The following MYO5B variants were observed in gnomAD, a reference collection of about 807,000 sequenced individuals.
MYO5B encodes myosin VB, also known as unconventional myosin-Vb.
In MYO5B, 143 loss-of-function variants were observed where a neutral mutation model predicts 229.3. That is an observed-to-expected ratio of 0.62 (90% CI 0.54 to 0.72). The LOEUF is 0.72. MYO5B is among the 30% of genes least tolerant of loss of function. The probability of loss-of-function intolerance (pLI) is 0.00; values close to 1 mark genes in which losing one functional copy is unlikely to be tolerated. For missense variants in MYO5B, 2,321 were observed against 2,331.0 expected, an observed-to-expected ratio of 1.00 and a Z score of 0.09; for synonymous variants, 918 against 885.2, an observed-to-expected ratio of 1.04 and a Z score of -0.66.
intron 1 of MYO5B, among the ~76,000 whole-genome samples, chr18:50,100,334 T>C (rs576853812): frequency 6.6e-6 from 1 of 152,358 alleles, no homozygotes; most frequent in South Asian, 2.1e-4. Flanking sequence ...GCTGGTTGTG[T>C]TGCACCAGCA....
intron 1 of MYO5B, among the ~76,000 whole-genome samples, chr18:50,176,516 C>G (rs559690553): frequency 6.6e-6 from 1 of 152,310 alleles, no homozygotes; most frequent in East Asian, 1.9e-4. Flanking sequence ...ATAGTTGCCA[C>G]TGTTACTTAG....
intron 2 of MYO5B, among the ~76,000 whole-genome samples, chr18:50,052,250 G>T (rs1397986306): frequency 6.6e-6 from 1 of 152,040 alleles, no homozygotes; most frequent in East Asian, 1.9e-4. Context: ...AAAGACACAT[G>T]CAAACGTATG....
chr18:50,055,936 C>T (rs1045204238), intron 1 of MYO5B, among the ~76,000 whole-genome samples: 2 of 151,930 alleles, frequency 1.3e-5, no homozygotes, highest in South Asian at 2.1e-4. Flanking sequence ...TTTCTTTTTT[C>T]GGATGGGGTC....
intron 8 of MYO5B, among the ~76,000 whole-genome samples, chr18:49,983,670 T>C (rs1568058595): frequency 6.6e-6 from 1 of 152,218 alleles, no homozygotes; most frequent in Non-Finnish European, 1.5e-5. Context: ...GCTACTGCTG[T>C]AGTTAACAAT....
At chr18:49,970,077 C>T (rs940148098) in intron 10 of MYO5B, 10 of 152,218 alleles carry the variant, frequency 6.6e-5, no homozygotes, top group African/African-American at 1.9e-4. Context: ...ATTAGAGACT[C>T]AAGGGGAGGA....
rs535940346 is a variant in MYO5B at position 49,914,309 on chromosome 18, G to C, written c.2091-2136C>G. Among the ~76,000 whole-genome samples, 5 of 152,294 alleles carry C rather than the reference G, an allele frequency of 3.3e-5. No homozygotes were observed. The East Asian group carries it at 7.7e-4, about 24-fold the overall frequency. On this transcript the variant is annotated intron_variant, in intron 17 of 39. Coordinates refer to ENST00000285039, the MANE Select transcript of MYO5B (RefSeq NM_001080467.3). ...GGGTTTGAGCTTACAGCAGCAAACA[G>C]AGAGCCACACCCCCATAGCACACCC... is the stretch of plus-strand genomic sequence containing the variant.
At chr18:50,140,674 AT>A (rs2032403818) in intron 1 of MYO5B, among the ~76,000 whole-genome samples, 1 of 152,232 alleles carries the variant, frequency 6.6e-6, no homozygotes, top group Admixed American at 6.5e-5. Context: ...GATCTAATGA[AT>A]TCCAGAAGAG....
At chr18:49,833,457 T>C (rs2144025147) in intron 39 of MYO5B, among the ~76,000 whole-genome samples, 1 of 152,076 alleles carries the variant, frequency 6.6e-6, no homozygotes, top group South Asian at 2.1e-4. Flanking sequence ...AAAAAATATT[T>C]TGCTAGAACT....
chr18:50,084,517 A>C (rs2031288045), intron 1 of MYO5B, among the ~76,000 whole-genome samples: 1 of 152,152 alleles, frequency 6.6e-6, no homozygotes, highest in Non-Finnish European at 1.5e-5. Flanking sequence ...GGGAACTTTC[A>C]AACCAAATCT....
At chr18:50,193,596 G>A (rs2033257627) in intron 1 of MYO5B, among the ~76,000 whole-genome samples, 1 of 152,200 alleles carries the variant, frequency 6.6e-6, no homozygotes. Flanking sequence ...CTGTTGGCCC[G>A]GGCGGGTGTC....
chr18:49,987,171 A>G (rs552482960), intron 7 of MYO5B, among the ~76,000 whole-genome samples: 120 of 152,228 alleles, frequency 7.9e-4, no homozygotes, highest in Middle Eastern at 3.4e-3. Context: ...ACTCAGGCCC[A>G]GTTCCCCAAC....
At chr18:50,151,735 T>C (rs1466865383) in intron 1 of MYO5B, among the ~76,000 whole-genome samples, 4 of 152,226 alleles carry the variant, frequency 2.6e-5, no homozygotes, top group Non-Finnish European at 5.9e-5. Context: ...GATTGTATTG[T>C]ATCAGAGAAT....
At chr18:50,043,320 A>T (rs1195689467) in intron 2 of MYO5B, among the ~76,000 whole-genome samples, 6 of 115,988 alleles carry the variant, frequency 5.2e-5, no homozygotes, top group African/African-American at 1.4e-4. Context: ...TAAATATATA[A>T]AATATATATT....
chr18:50,015,227 T>G (rs1056806895), intron 4 of MYO5B, among the ~76,000 whole-genome samples: 1 of 152,200 alleles, frequency 6.6e-6, no homozygotes, highest in Non-Finnish European at 1.5e-5. Context: ...AACTATCTTG[T>G]GCATTGGAGG....
intron 1 of MYO5B, among the ~76,000 whole-genome samples, chr18:50,161,984 C>T (rs1030857283): frequency 6.6e-6 from 1 of 152,238 alleles, no homozygotes; most frequent in African/African-American, 2.4e-5. Context: ...GTTTGGCATC[C>T]ACTTTTTTGT....
chr18:50,179,526 G>A (rs929045693), intron 1 of MYO5B, among the ~76,000 whole-genome samples: 11 of 152,148 alleles, frequency 7.2e-5, no homozygotes, highest in African/African-American at 1.4e-4. Context: ...CAGGGACAAC[G>A]GTGCATAGTG....
chr18:49,890,273 T>C (rs1787614), intron 22 of MYO5B, among the ~76,000 whole-genome samples: 88,374 of 152,100 alleles, frequency 0.58, 25,827 homozygotes, highest in Middle Eastern at 0.67. Context: ...CAGTGGGAGA[T>C]GCTTTAACAA....
intron 1 of MYO5B, among the ~76,000 whole-genome samples, chr18:50,177,799 A>C (rs1489506310): frequency 6.6e-6 from 1 of 152,224 alleles, no homozygotes; most frequent in Non-Finnish European, 1.5e-5. Flanking sequence ...TGAGAGACTG[A>C]CATGCAAGGC....
intron 1 of MYO5B, among the ~76,000 whole-genome samples, chr18:50,081,972 A>C (rs749536638): frequency 1.3e-5 from 2 of 152,246 alleles, no homozygotes; most frequent in Non-Finnish European, 2.9e-5. Flanking sequence ...TGGTTTAACA[A>C]AATTCTTTTC....
Sources: gnomAD v4.1 joint callset for allele counts (sites outside exome capture counted in the v4.1 genomes callset) on GRCh38, gnomAD v4.1.1 for gene constraint, MANE v1.5 for transcripts, NCBI Gene and HGNC (gene_info 2026-07-23, HGNC 2026-07-21) for gene names.